The following APLF variants were observed in gnomAD, a reference collection of about 807,000 sequenced individuals.
The protein encoded by APLF is aprataxin and PNK-like factor.
In APLF, 61 loss-of-function variants were observed where a neutral mutation model predicts 55.6. The ratio of observed to expected loss-of-function variants is 1.10; its 90% CI spans 0.89 to 1.36. The LOEUF (loss-of-function observed/expected upper bound fraction) is 1.36. APLF is among the 40% of genes most tolerant of loss of function. APLF has a pLI of 0.00. For missense variants in APLF, 611 were observed against 602.5 expected, an observed-to-expected ratio of 1.01 and a Z score of -0.15; for synonymous variants, 207 against 214.8, an observed-to-expected ratio of 0.96 and a Z score of 0.32.
At chr2:68,536,235 C>T (rs1225987746) in intron 6 of APLF, among the ~76,000 whole-genome samples, 3 of 152,064 alleles carry the variant, frequency 2.0e-5, no homozygotes, top group Non-Finnish European at 2.9e-5. Context: ...GCCAGTGTAG[C>T]CAAAGGATTG....
intron 3 of APLF, among the ~76,000 whole-genome samples, chr2:68,507,122 C>T (rs1378983773): frequency 6.6e-6 from 1 of 151,742 alleles, no homozygotes; most frequent in East Asian, 1.9e-4. Context: ...ATGTTTCTAT[C>T]GGGGTGGTAG....
intron 1 of APLF, among the ~76,000 whole-genome samples, chr2:68,472,131 C>T (rs949735982): frequency 2.6e-5 from 4 of 152,084 alleles, no homozygotes; most frequent in African/African-American, 7.2e-5. Flanking sequence ...ATTGTGGAGA[C>T]GAAGTTTTAT....
At chr2:68,525,635 C>A (rs997267741) in intron 5 of APLF, among the ~76,000 whole-genome samples, 3 of 151,740 alleles carry the variant, frequency 2.0e-5, no homozygotes, top group Non-Finnish European at 4.4e-5. Context: ...GGCCATTTTG[C>A]TGCTTAATGC....
chr2:68,543,770 T>C (rs1254153785), intron 7 of APLF, among the ~76,000 whole-genome samples: 1 of 152,156 alleles, frequency 6.6e-6, no homozygotes, highest in Non-Finnish European at 1.5e-5. Flanking sequence ...ATTGAAAACG[T>C]ACTTACTGCT....
At chr2:68,547,745 TTA>T (rs1477071779) in intron 8 of APLF, among the ~76,000 whole-genome samples, 5 of 151,662 alleles carry the variant, frequency 3.3e-5, no homozygotes, top group Admixed American at 6.6e-5. Context: ...TAATATAGCT[TTA>T]TTTTTTTTTG....
intron 8 of APLF, among the ~76,000 whole-genome samples, chr2:68,553,342 A>T (rs114467130): frequency 0.011 from 1,703 of 152,232 alleles, 36 homozygotes; most frequent in African/African-American, 0.039. Flanking sequence ...TGAGCAAAAA[A>T]CATACTTAAT....
At chr2:68,469,552 G>A (rs1675553634) in intron 1 of APLF, among the ~76,000 whole-genome samples, 1 of 152,202 alleles carries the variant, frequency 6.6e-6, no homozygotes, top group Non-Finnish European at 1.5e-5. Flanking sequence ...AGATTCTTTT[G>A]CCAAGGTTGG....
chr2:68,538,672 T>C (rs1010996955), intron 7 of APLF, among the ~76,000 whole-genome samples: 3 of 152,196 alleles, frequency 2.0e-5, no homozygotes, highest in Non-Finnish European at 4.4e-5. Flanking sequence ...GTAAAACAAC[T>C]GAATATAATA....
chr2:68,544,948 C>T (rs2104017392), intron 7 of APLF, among the ~76,000 whole-genome samples: 1 of 152,250 alleles, frequency 6.6e-6, no homozygotes, highest in South Asian at 2.1e-4. Context: ...TATCATGGCT[C>T]ATCACATGAC....
intron 5 of APLF, among the ~76,000 whole-genome samples, chr2:68,519,371 A>G (rs917381514): frequency 6.7e-6 from 1 of 148,268 alleles, no homozygotes; most frequent in African/African-American, 2.5e-5. Context: ...TGGTACATCT[A>G]CCAAGTGAAA....
In APLF at chr2:68,553,291, T is replaced by A. The variant is rs78561403; in HGVS notation, c.1286+7979T>A. On this transcript the variant is annotated intron_variant, in intron 8 of 9. Transcript: ENST00000303795. ...TAAATTTTCCAGGTCAGCAAAATAA[T>A]AGAAATCCTTACAAACTGTCTGTTG... is the stretch of plus-strand genomic sequence containing the variant. Among the ~76,000 whole-genome samples, 991 of 152,216 alleles carry A rather than the reference T, an allele frequency of 6.5e-3. 7 individuals carry two copies. The highest frequency in any genetic ancestry group is 0.023 in the African/African-American group (947 of 41,542).
intron 6 of APLF, chr2:68,528,748 G>A (rs201082060): frequency 2.2e-5 from 31 of 1,420,238 alleles, no homozygotes; most frequent in Middle Eastern, 2.5e-4. Flanking sequence ...GTGAACTGGC[G>A]ACTCCATGGC....
intron 6 of APLF, 96 bp from the exon 7 acceptor site, chr2:68,537,776 A>T: frequency 2.3e-6 from 2 of 874,310 alleles, no homozygotes; most frequent in South Asian, 2.0e-5. Context: ...TTTTAAGTTT[A>T]CATTTTGCAT....
chr2:68,578,420 T>C lies in APLF; in HGVS notation c.*398T>C. The C allele has an allele frequency of 1.0e-6, 1 of 991,410 alleles. No individual in the cohort carries two copies. Among genetic ancestry groups the C allele is most frequent in the Non-Finnish European group, 1.2e-6 (1 of 833,870 alleles). The allele number at this position is 991,410 out of a possible 1,614,324, so 61.4% of individuals were successfully genotyped here. On this transcript the variant is annotated 3_prime_UTR_variant, in exon 10 of 10. Coordinates refer to ENST00000303795, the MANE Select transcript of APLF (RefSeq NM_173545.3). ...CAGGCAAAGTACATGAAAACATGCC[T>C]CTTTTCATTGTTACTGAAGTAATTC...
At chr2:68,515,684 T>C (rs1264622775) in intron 5 of APLF, 3 of 983,630 alleles carry the variant, frequency 3.0e-6, no homozygotes, top group Non-Finnish European at 3.6e-6. Flanking sequence ...ATGTGTACAA[T>C]GTACTTAAAA....
intron 1 of APLF, among the ~76,000 whole-genome samples, chr2:68,468,485 C>T (rs144902846): frequency 2.0e-5 from 3 of 152,142 alleles, no homozygotes; most frequent in Non-Finnish European, 4.4e-5. Flanking sequence ...TATCAGTTAG[C>T]TATTTTTATT....
At position 68,579,585 on chromosome 2, in the gene APLF, A is replaced by C. The variant is rs1671718780; in HGVS notation, c.*1563A>C. The C allele has an allele frequency of 5.8e-6, 1 of 172,588 alleles. No individual in the cohort carries two copies. Among genetic ancestry groups the C allele is most frequent in the African/African-American group, 2.4e-5 (1 of 41,840 alleles). The allele number at this position is 172,588 out of a possible 1,614,324, so 10.7% of individuals were successfully genotyped here. A position where few individuals can be genotyped will look rare whatever the true frequency, so the allele number is the denominator to read the frequency against. ...GGTGAATGGATAAGCAAAACGTGGT[A>C]TATCTGTGCAATGGAATATTATTTG... On this transcript the variant is annotated 3_prime_UTR_variant, in exon 10 of 10. Coordinates refer to ENST00000303795, the MANE Select transcript of APLF (RefSeq NM_173545.3).
chr2:68,502,752 T>C lies in APLF; in HGVS notation c.190T>C (p.Tyr64His). The C allele has an allele frequency of 6.5e-7, 1 of 1,541,404 alleles. No individual in the cohort carries two copies. The highest frequency in any genetic ancestry group is 8.7e-7 in the Non-Finnish European group (1 of 1,153,218). ...TTAGATACACACAAATCCATGTTTT[T>C]ACCAGTCTTCAGAGAAGAGTCAGCT... Reference protein sequence around the residue: ...IKPIHTNPCFYQSSEKSQLLP... With the variant: ...IKPIHTNPCFHQSSEKSQLLP... The change falls in exon 3 of 10, where the codon TAC becomes CAC. Residue 64 changes from tyrosine (Y) to histidine (H), a missense_variant. By Grantham distance (83) the Tyr-to-His change is moderately conservative. Coordinates refer to ENST00000303795, the MANE Select transcript of APLF (RefSeq NM_173545.3).
intron 1 of APLF, among the ~76,000 whole-genome samples, chr2:68,482,586 G>A (rs560592341): frequency 1.4e-4 from 21 of 152,146 alleles, no homozygotes; most frequent in Non-Finnish European, 3.1e-4. Flanking sequence ...TCAGGGACTG[G>A]CTCTCTGGGC....
Sources: allele counts gnomAD v4.1 joint callset (sites outside exome capture counted in the v4.1 genomes callset), GRCh38; gene constraint gnomAD v4.1.1; transcripts MANE v1.5; gene names NCBI Gene and HGNC (gene_info 2026-07-23, HGNC 2026-07-21).